FHL2: variants seen among roughly 807,000 people sequenced by gnomAD.
FHL2 encodes the protein four and a half LIM domains protein 2.
In FHL2, 20 loss-of-function variants were observed where a neutral mutation model predicts 32.7. The ratio of observed to expected loss-of-function variants is 0.61; its 90% confidence interval spans 0.43 to 0.89. The LOEUF is 0.89. Ranked by LOEUF, FHL2 falls within the 40% of genes least tolerant of loss-of-function variation. The pLI is 0.00. For missense variants in FHL2, 311 were observed against 358.6 expected, an observed-to-expected ratio of 0.87 and a Z score of 1.07; for synonymous variants, 123 against 128.1, an observed-to-expected ratio of 0.96 and a Z score of 0.27.
chr2:105,384,664 C>T lies in FHL2; in HGVS notation c.156+1697G>A, dbSNP rs11895580. On this transcript the variant is annotated intron_variant, in intron 3 of 6. Coordinates refer to ENST00000530340, the MANE Select transcript of FHL2 (RefSeq NM_001318895.3). ...CTGGGATTACAGATATGCACCACCA[C>T]GCCCAGCTAATTTTTGTATTTTCAG... 9.1e-3 allele frequency among the ~76,000 whole-genome samples: 1,391 copies of T among 152,304 alleles called. 28 individuals are homozygous for T. The highest frequency in any genetic ancestry group is 0.031 in the African/African-American group (1,303 of 41,566).
At chr2:105,396,769 G>A in intron 1 of FHL2, 72 bp from the exon 2 acceptor site, 2 of 1,260,682 alleles carry the variant, frequency 1.6e-6, no homozygotes, top group Non-Finnish European at 2.3e-6. Flanking sequence ...TGCAACTTGA[G>A]ATGGACACTT....
intron 3 of FHL2, chr2:105,378,215 G>C (rs1471328072): frequency 4.2e-6 from 2 of 470,690 alleles, no homozygotes; most frequent in African/African-American, 4.0e-5. Flanking sequence ...GCACAAAAAT[G>C]CAATAGCTAC....
intron 1 of FHL2, among the ~76,000 whole-genome samples, chr2:105,412,575 G>A (rs1356357222): frequency 6.6e-6 from 1 of 152,222 alleles, no homozygotes; most frequent in Non-Finnish European, 1.5e-5. Context: ...AAAACCAGTA[G>A]AGCAAAAGAG....
chr2:105,411,257 C>T (rs547337184), intron 1 of FHL2, among the ~76,000 whole-genome samples: 2 of 152,248 alleles, frequency 1.3e-5, no homozygotes, highest in African/African-American at 2.4e-5. Flanking sequence ...GTTATTAGCA[C>T]AATTTCCTAG....
intron 1 of FHL2, among the ~76,000 whole-genome samples, chr2:105,423,967 C>A (rs1436464526): frequency 6.6e-6 from 1 of 152,128 alleles, no homozygotes; most frequent in Non-Finnish European, 1.5e-5. Context: ...TAGGCATGGG[C>A]AAAGACTTCA....
At chr2:105,410,814 A>T (rs1396268558) in intron 1 of FHL2, among the ~76,000 whole-genome samples, 1 of 152,234 alleles carries the variant, frequency 6.6e-6, no homozygotes, top group Non-Finnish European at 1.5e-5. Flanking sequence ...CAATGGCATG[A>T]GTAATCCTTT....
intron 2 of FHL2, 129 bp from the exon 3 acceptor site, chr2:105,386,669 T>A: frequency 1.4e-6 from 1 of 703,572 alleles, no homozygotes; most frequent in Non-Finnish European, 2.3e-6. Context: ...GATGAATAAT[T>A]AAAACTCACC....
intron 1 of FHL2, chr2:105,396,995 C>A (rs1217936486): frequency 3.5e-5 from 9 of 258,760 alleles, no homozygotes. Context: ...GTAAACTACT[C>A]CTGATATCTA....
At chr2:105,383,978 G>T (rs1448250490) in intron 3 of FHL2, among the ~76,000 whole-genome samples, 2 of 152,204 alleles carry the variant, frequency 1.3e-5, no homozygotes, top group Non-Finnish European at 2.9e-5. Context: ...CAGCCTTGAT[G>T]ATTTTGGCTC....
chr2:105,410,811 A>G (rs1041693169), intron 1 of FHL2, among the ~76,000 whole-genome samples: 1 of 152,236 alleles, frequency 6.6e-6, no homozygotes, highest in African/African-American at 2.4e-5. Context: ...GAGCAATGGC[A>G]TGAGTAATCC....
intron 1 of FHL2, among the ~76,000 whole-genome samples, chr2:105,406,455 CTTTT>C (rs10655752): frequency 1.4e-5 from 2 of 141,488 alleles, no homozygotes; most frequent in South Asian, 4.5e-4. Context: ...TTTTTCTTAT[CTTTT>C]TTTTTTTTTT....
At chr2:105,433,572 T>C (rs967654277) in intron 1 of FHL2, among the ~76,000 whole-genome samples, 2 of 152,188 alleles carry the variant, frequency 1.3e-5, no homozygotes, top group Non-Finnish European at 2.9e-5. Context: ...ACTGCTTGTA[T>C]TTAAATCTGG....
intron 3 of FHL2, chr2:105,378,225 CA>C: frequency 2.1e-6 from 1 of 469,098 alleles, no homozygotes; most frequent in South Asian, 1.6e-5. Flanking sequence ...GCAATAGCTA[CA>C]GTTTAAGACT....
At chr2:105,416,719 A>G (rs764119492) in intron 1 of FHL2, among the ~76,000 whole-genome samples, 24 of 152,252 alleles carry the variant, frequency 1.6e-4, no homozygotes, top group Non-Finnish European at 3.2e-4. Context: ...AACAAATTAC[A>G]GTAATTGATA....
chr2:105,414,384 G>A (rs1221607371), intron 1 of FHL2, among the ~76,000 whole-genome samples: 1 of 152,134 alleles, frequency 6.6e-6, no homozygotes, highest in Non-Finnish European at 1.5e-5. Flanking sequence ...CTCCTGGGAG[G>A]TTGGCGTTGG....
At chr2:105,400,958 C>T (rs539637479), upstream of FHL2, among the ~76,000 whole-genome samples, 43 of 151,842 alleles carry the variant, frequency 2.8e-4, 2 homozygotes, top group African/African-American at 8.0e-4. Flanking sequence ...CAAACATACC[C>T]AGTTTCTACA....
chr2:105,365,943 G>A (rs1160596072), intron 5 of FHL2, among the ~76,000 whole-genome samples: 2 of 152,140 alleles, frequency 1.3e-5, no homozygotes, highest in Non-Finnish European at 2.9e-5. Context: ...GGTGGCTCAC[G>A]CCTGTAATCC....
Position 105,425,824 on chromosome 2 carries a change from C to T in FHL2, c.-25+12575G>A, listed in dbSNP as rs540790029. 1.1e-3 allele frequency among the ~76,000 whole-genome samples: 172 copies of T among 152,204 alleles called. 1 individual carries two copies. Among genetic ancestry groups the T allele is most frequent in the African/African-American group, 3.7e-3 (153 of 41,528 alleles). ...TTTGCTGACCTTCTCCTTATTATCA[C>T]GCTGCTCTCCTACTACATTCCTTTT... On this transcript the variant is annotated intron_variant, in intron 1 of 5. Transcript: ENST00000393352.
intron 2 of FHL2, 28 bp from the exon 3 acceptor site, chr2:105,386,568 C>T: frequency 6.2e-7 from 1 of 1,609,032 alleles, no homozygotes; most frequent in African/African-American, 1.3e-5. Flanking sequence ...AAATCCAAGT[C>T]CCATTAAGCA....
Sources: gnomAD v4.1 joint callset for allele counts (sites outside exome capture counted in the v4.1 genomes callset) on GRCh38, gnomAD v4.1.1 for gene constraint, MANE v1.5 for transcripts, NCBI Gene and HGNC (gene_info 2026-07-23, HGNC 2026-07-21) for gene names.